The following ATP10D variants were observed in gnomAD, a reference collection of about 807,000 sequenced individuals.
ATP10D encodes the protein phospholipid-transporting ATPase VD.
In ATP10D, 89 loss-of-function variants were observed where a neutral mutation model predicts 144.8. The observed-to-expected ratio is 0.61, with a 90% CI of 0.52 to 0.73. The LOEUF (loss-of-function observed/expected upper bound fraction) is 0.73. Ranked by LOEUF, ATP10D falls within the 30% of genes least tolerant of loss-of-function variation. ATP10D has a pLI of 0.00. For synonymous variants in ATP10D, 571 were observed against 615.1 expected (o/e 0.93, Z 1.06); for missense variants, 1,603 against 1,714.8 (o/e 0.93, Z 1.15).
chr4:47,522,707 T>A (rs1304339786), intron 3 of ATP10D, among the ~76,000 whole-genome samples: 1 of 152,092 alleles, frequency 6.6e-6, no homozygotes, highest in Non-Finnish European at 1.5e-5. Flanking sequence ...GTAGCTGGGA[T>A]TGCAAGTGCG....
intron 16 of ATP10D, 39 bp from the exon 17 acceptor site, chr4:47,572,115 T>C: frequency 6.3e-7 from 1 of 1,584,090 alleles, no homozygotes; most frequent in Non-Finnish European, 8.7e-7. Flanking sequence ...CTTTCTTTAC[T>C]CCTCATATGT....
chr4:47,564,343 T>A (rs73238604), intron 15 of ATP10D, among the ~76,000 whole-genome samples: 19,685 of 151,936 alleles, frequency 0.13, 1,595 homozygotes, highest in Non-Finnish European at 0.19. Context: ...TTTTTTTTTT[T>A]ATTTGCTTTC....
chr4:47,517,631 AG>A (rs1432418107), intron 3 of ATP10D, among the ~76,000 whole-genome samples: 17 of 152,346 alleles, frequency 1.1e-4, no homozygotes, highest in Admixed American at 5.2e-4. Flanking sequence ...TCCAAGTGCT[AG>A]GTAAAAGCCG....
chr4:47,492,901 G>A, intron 1 of ATP10D, among the ~76,000 whole-genome samples: 1 of 152,120 alleles, frequency 6.6e-6, no homozygotes, highest in Non-Finnish European at 1.5e-5. Flanking sequence ...TCTCTAATGT[G>A]CTTATTTGCC....
chr4:47,536,432 G>A lies in ATP10D; in HGVS notation c.1016-5G>A, dbSNP rs1353325080. ...TCCTTTTGATGTCTGTGTATTTTTT[G>A]AAAGGTCATGGAATCTGGCTGAGCA... On this transcript the variant is annotated splice_region_variant and splice_polypyrimidine_tract_variant and intron_variant, in intron 7 of 22. Transcript: ENST00000273859. 6.2e-7 allele frequency: 1 copy of A among 1,608,860 alleles called. No individual in the cohort carries two copies. The highest frequency in any genetic ancestry group is 1.1e-5 in the South Asian group (1 of 89,636).
intron 1 of ATP10D, among the ~76,000 whole-genome samples, chr4:47,496,343 G>A (rs1049361397): frequency 6.6e-5 from 10 of 151,716 alleles, no homozygotes; most frequent in African/African-American, 2.4e-4. Context: ...TTTTAGTAGA[G>A]ATGGTGTTTC....
chr4:47,503,940 T>TAA (rs766068879), intron 1 of ATP10D, among the ~76,000 whole-genome samples: 44 of 152,022 alleles, frequency 2.9e-4, no homozygotes, highest in Middle Eastern at 3.4e-3. Flanking sequence ...TAAAATAAAA[T>TAA]TAAGTACTTT....
intron 14 of ATP10D, among the ~76,000 whole-genome samples, chr4:47,562,629 G>A (rs1719374139): frequency 6.6e-6 from 1 of 152,120 alleles, no homozygotes; most frequent in African/African-American, 2.4e-5. Flanking sequence ...GGAAAACAGT[G>A]TGGAGATTCT....
intron 10 of ATP10D, among the ~76,000 whole-genome samples, chr4:47,550,798 C>T (rs753272423): frequency 5.3e-5 from 8 of 152,218 alleles, no homozygotes; most frequent in Non-Finnish European, 1.2e-4. Flanking sequence ...AGGAGCACAG[C>T]AGACACCCTG....
intron 18 of ATP10D, among the ~76,000 whole-genome samples, chr4:47,575,431 G>A (rs1047659937): frequency 6.6e-6 from 1 of 152,146 alleles, no homozygotes; most frequent in Non-Finnish European, 1.5e-5. Context: ...TTTCCTGAGA[G>A]TGTCCCGGTT....
chr4:47,532,500 C>A (rs1717617827), intron 5 of ATP10D, among the ~76,000 whole-genome samples: 1 of 152,222 alleles, frequency 6.6e-6, no homozygotes, highest in East Asian at 1.9e-4. Context: ...CTACTCTATT[C>A]ATGTCCATCC....
chr4:47,512,418 A>C, intron 1 of ATP10D, 86 bp from the exon 2 acceptor site: 1 of 855,276 alleles, frequency 1.2e-6, no homozygotes, highest in Non-Finnish European at 1.8e-6. Context: ...TCATATATTT[A>C]TTTGGTATAG....
chr4:47,502,471 T>TTA (rs1553890830), intron 1 of ATP10D, among the ~76,000 whole-genome samples: 1 of 141,448 alleles, frequency 7.1e-6, no homozygotes, highest in Non-Finnish European at 1.6e-5. Flanking sequence ...CTACGTCTCA[T>TTA]AAAAAAAAAA....
chr4:47,532,232 C>A (rs1717607745), intron 5 of ATP10D, among the ~76,000 whole-genome samples: 1 of 152,176 alleles, frequency 6.6e-6, no homozygotes, highest in Non-Finnish European at 1.5e-5. Context: ...CTGTGCTGGG[C>A]ACTGAGTCTT....
intron 9 of ATP10D, among the ~76,000 whole-genome samples, chr4:47,538,836 C>T (rs1359405256): frequency 6.6e-6 from 1 of 152,168 alleles, no homozygotes; most frequent in Non-Finnish European, 1.5e-5. Context: ...TTCTTCAAGG[C>T]CAGCAACAGA....
Position 47,557,894 on chromosome 4 carries a change from C to A in ATP10D, c.2055C>A (p.Cys685Ter). 2 of 1,614,192 alleles carry A rather than the reference C, an allele frequency of 1.2e-6. No individual in the cohort carries two copies. The highest frequency in any genetic ancestry group is 1.7e-6 in the Non-Finnish European group (2 of 1,180,034). Reference protein sequence around the residue: ...EVSQVCESPQCSSSSACCTET... With the variant: ...EVSQVCESPQ ...CCCAGGTGTGTGAGAGCCCCCAGTG[C>A]TCCAGTAGCTCAGCTTGCTGCACAG... The change falls in exon 12 of 23, where the codon TGC becomes TGA. Residue 685 changes from cysteine (C) to a stop codon, truncating the protein, a stop_gained. Coordinates refer to ENST00000273859, the MANE Select transcript of ATP10D (RefSeq NM_020453.4). LOFTEE classifies it high-confidence loss of function.
chr4:47,560,828 T>G, intron 13 of ATP10D, 121 bp from the exon 14 acceptor site: 4 of 1,249,152 alleles, frequency 3.2e-6, no homozygotes. Context: ...GACATGGCTG[T>G]GCCCAGAGGG....
chr4:47,589,143 G>A (rs1358386600), intron 22 of ATP10D, among the ~76,000 whole-genome samples: 1 of 152,152 alleles, frequency 6.6e-6, no homozygotes, highest in African/African-American at 2.4e-5. Flanking sequence ...AGAAATGTCA[G>A]AAGCCACCAG....
chr4:47,558,754 G>A (rs1719123610), intron 12 of ATP10D, among the ~76,000 whole-genome samples, 169 bp from the exon 13 acceptor site: 1 of 152,178 alleles, frequency 6.6e-6, no homozygotes, highest in South Asian at 2.1e-4. Context: ...AAGAAACGAG[G>A]GAAAGATTTA....
Sources: gnomAD v4.1 joint callset for allele counts (sites outside exome capture counted in the v4.1 genomes callset) on GRCh38, gnomAD v4.1.1 for gene constraint, MANE v1.5 for transcripts, NCBI Gene and HGNC (gene_info 2026-07-23, HGNC 2026-07-21) for gene names.